The following TENM3 variants were observed in gnomAD, a reference collection of about 807,000 sequenced individuals.
The protein encoded by TENM3 is teneurin transmembrane protein 3, also known as teneurin-3.
TENM3 carries 63 observed loss-of-function variants against 255.1 expected under a neutral mutation model. That is an observed-to-expected ratio of 0.25 (90% CI 0.20 to 0.30). The LOEUF (loss-of-function observed/expected upper bound fraction) is 0.30, where lower values mean the gene tolerates loss of function less well. Ranked by LOEUF, TENM3 falls within the 10% of genes least tolerant of loss-of-function variation. TENM3 has a pLI of 1.00. For synonymous variants in TENM3, 1,306 were observed against 1,322.3 expected (o/e 0.99, Z 0.27); for missense variants, 2,929 against 3,461.1 (o/e 0.85, Z 3.86).
the TENM3 span, among the ~76,000 whole-genome samples, chr4:181,847,364 A>G: frequency 0.013 from 2,004 of 152,312 alleles, 38 homozygotes; most frequent in African/African-American, 0.045. Flanking sequence ...CCATAATCAT[A>G]TTAAAGGTAA....
At chr4:181,856,261 C>T in the TENM3 span, among the ~76,000 whole-genome samples, 2 of 152,054 alleles carry the variant, frequency 1.3e-5, no homozygotes, top group East Asian at 3.9e-4. Flanking sequence ...TTCCTCTTAA[C>T]TTCCCAAGGA....
chr4:182,157,414 AC>A (rs1399855822), intron 1 of TENM3, among the ~76,000 whole-genome samples: 2 of 152,112 alleles, frequency 1.3e-5, no homozygotes, highest in Admixed American at 6.5e-5. Flanking sequence ...GAAGGCAGAG[AC>A]CCTTCTTCCC....
At chr4:182,202,054 A>G (rs1257123620) in intron 1 of TENM3, among the ~76,000 whole-genome samples, 3 of 152,190 alleles carry the variant, frequency 2.0e-5, no homozygotes, top group Non-Finnish European at 4.4e-5. Flanking sequence ...TGTGAAGCAC[A>G]TTCATTCATT....
chr4:181,925,485 T>C, the TENM3 span, among the ~76,000 whole-genome samples: 1 of 152,322 alleles, frequency 6.6e-6, no homozygotes, highest in East Asian at 1.9e-4. Flanking sequence ...CATTACCGGA[T>C]TTCTAATTAG....
At chr4:182,215,945 G>C (rs1561207492) in intron 1 of TENM3, among the ~76,000 whole-genome samples, 1 of 152,198 alleles carries the variant, frequency 6.6e-6, no homozygotes, top group Non-Finnish European at 1.5e-5. Flanking sequence ...TTTGAATGAA[G>C]GGAGAAGAGC....
At chr4:181,699,542 CTAAT>C in the TENM3 span, among the ~76,000 whole-genome samples, 11 of 146,178 alleles carry the variant, frequency 7.5e-5, no homozygotes, top group East Asian at 1.1e-3. Flanking sequence ...TTTATAGAGA[CTAAT>C]TAACTGAGGA....
rs942403758 is a variant in TENM3, at chr4:182,663,109, A to T, written c.1111+9216A>T. On this transcript the variant is annotated intron_variant, in intron 6 of 27. Coordinates refer to ENST00000511685, the MANE Select transcript of TENM3 (RefSeq NM_001080477.4). ...CAGATCTGCAAGTACCTTTTAGAAA[A>T]GACACATTCTAAGACTGTAATTCAG... Among the ~76,000 whole-genome samples the T allele has an allele frequency of 6.2e-4, 84 of 136,300 alleles. 2 individuals are homozygous for T. Among genetic ancestry groups the T allele is most frequent in the African/African-American group, 2.1e-3 (81 of 38,022 alleles). 89.4% of individuals were successfully genotyped at this position (136,300 alleles called of 152,430 possible).
chr4:181,740,566 G>A, the TENM3 span, among the ~76,000 whole-genome samples: 1 of 151,776 alleles, frequency 6.6e-6, no homozygotes, highest in Non-Finnish European at 1.5e-5. Flanking sequence ...AAAATGAACA[G>A]AAGTAGAAAA....
chr4:181,859,839 GA>G, the TENM3 span, among the ~76,000 whole-genome samples: 395 of 147,270 alleles, frequency 2.7e-3, 4 homozygotes, highest in African/African-American at 8.6e-3. Context: ...TACATGAGCA[GA>G]AAAAAAAAAC....
At chr4:181,956,729 A>G in the TENM3 span, among the ~76,000 whole-genome samples, 1 of 152,236 alleles carries the variant, frequency 6.6e-6, no homozygotes, top group East Asian at 1.9e-4. Context: ...GAGGTGATGA[A>G]TGTCCCAGCC....
chr4:182,025,603 T>A, the TENM3 span, among the ~76,000 whole-genome samples: 5,625 of 152,264 alleles, frequency 0.037, 168 homozygotes, highest in Non-Finnish European at 0.058. Flanking sequence ...TTCCAAACTG[T>A]TCTCCATAAT....
the TENM3 span, among the ~76,000 whole-genome samples, chr4:181,725,841 C>T: frequency 6.6e-6 from 1 of 152,110 alleles, no homozygotes; most frequent in Non-Finnish European, 1.5e-5. Flanking sequence ...CTATTGTGTT[C>T]ATTCATCAAA....
chr4:182,260,601 A>G (rs996376369), intron 1 of TENM3, among the ~76,000 whole-genome samples: 1 of 152,198 alleles, frequency 6.6e-6, no homozygotes, highest in Non-Finnish European at 1.5e-5. Context: ...TTGATAATTT[A>G]TCCCCAATTC....
At chr4:182,704,760 A>G (rs1261899060) in intron 12 of TENM3, among the ~76,000 whole-genome samples, 1 of 151,172 alleles carries the variant, frequency 6.6e-6, no homozygotes, top group South Asian at 2.1e-4. Flanking sequence ...TTGAAAAAGT[A>G]TTGCCAATTG....
chr4:182,638,564 C>G (rs1452035901), intron 5 of TENM3, among the ~76,000 whole-genome samples: 1 of 152,094 alleles, frequency 6.6e-6, no homozygotes, highest in African/African-American at 2.4e-5. Context: ...TTAGCTAGAT[C>G]CACCTCTGTA....
the TENM3 span, among the ~76,000 whole-genome samples, chr4:181,909,101 T>C: frequency 3.5e-4 from 53 of 152,304 alleles, 1 homozygote; most frequent in African/African-American, 1.3e-3. Context: ...CCTAGAAGAA[T>C]TTCTCTCGAC....
At chr4:182,089,594 C>CT in the TENM3 span, among the ~76,000 whole-genome samples, 1 of 152,202 alleles carries the variant, frequency 6.6e-6, no homozygotes, top group Non-Finnish European at 1.5e-5. Context: ...CCATTGGACT[C>CT]TCTCTCATGT....
the TENM3 span, among the ~76,000 whole-genome samples, chr4:181,494,305 A>G: frequency 6.6e-6 from 1 of 152,284 alleles, no homozygotes; most frequent in Non-Finnish European, 1.5e-5. Context: ...TTTTTTTGAG[A>G]CAGAGTTTTG....
chr4:182,051,623 C>T, the TENM3 span, among the ~76,000 whole-genome samples: 5 of 151,950 alleles, frequency 3.3e-5, no homozygotes, highest in East Asian at 5.9e-4. Flanking sequence ...GTGATCTGCC[C>T]GCCTCGGGCA....
Sources: allele counts gnomAD v4.1 joint callset (sites outside exome capture counted in the v4.1 genomes callset), GRCh38; gene constraint gnomAD v4.1.1; transcripts MANE v1.5; gene names NCBI Gene and HGNC (gene_info 2026-07-23, HGNC 2026-07-21).